Variants in EYA1 observed in about 807,000 individuals in gnomAD.
The protein encoded by EYA1 is protein phosphatase EYA1.
In EYA1, 16 loss-of-function variants were observed where a neutral mutation model predicts 82.0. The ratio of observed to expected loss-of-function variants is 0.20; its 90% CI spans 0.13 to 0.30. The LOEUF is 0.30. Among genes scored for constraint, EYA1 ranks in the 10% least tolerant of loss-of-function variants. EYA1 has a pLI of 1.00. For synonymous variants in EYA1, 261 were observed against 264.4 expected (o/e 0.99, Z 0.12); for missense variants, 633 against 730.7 (o/e 0.87, Z 1.54).
At chr8:71,457,931 T>C (rs1808077886) in intron 2 of EYA1, among the ~76,000 whole-genome samples, 1 of 152,192 alleles carries the variant, frequency 6.6e-6, no homozygotes, top group Non-Finnish European at 1.5e-5. Flanking sequence ...TGTTAAGTTA[T>C]GGACTTGAGT....
intron 9 of EYA1, among the ~76,000 whole-genome samples, chr8:71,274,628 G>C (rs764128545): frequency 6.6e-6 from 1 of 152,110 alleles, no homozygotes; most frequent in Non-Finnish European, 1.5e-5. Context: ...CTGCCTTCTC[G>C]GAGCTTACAA....
intron 4 of EYA1, among the ~76,000 whole-genome samples, chr8:71,324,534 C>G (rs887336724): frequency 2.0e-5 from 3 of 152,170 alleles, no homozygotes; most frequent in Non-Finnish European, 4.4e-5. Flanking sequence ...AACTTTTACC[C>G]CACACTTGTC....
chr8:71,430,234 T>G (rs1805517977), intron 2 of EYA1, among the ~76,000 whole-genome samples: 1 of 152,196 alleles, frequency 6.6e-6, no homozygotes, highest in South Asian at 2.1e-4. Context: ...GTGTAATATC[T>G]CATTTGATCT....
At chr8:71,279,218 TAACAGA>T (rs1817545130) in intron 9 of EYA1, among the ~76,000 whole-genome samples, 1 of 152,140 alleles carries the variant, frequency 6.6e-6, no homozygotes, top group Non-Finnish European at 1.5e-5. Context: ...CAGATAAAAA[TAACAGA>T]GCATATCACT....
intron 9 of EYA1, among the ~76,000 whole-genome samples, chr8:71,282,517 A>G (rs1279644692): frequency 1.3e-5 from 2 of 152,052 alleles, no homozygotes; most frequent in Non-Finnish European, 2.9e-5. Flanking sequence ...CAATTTCCAT[A>G]TTTCTCCGCC....
At chr8:71,341,733 T>A (rs1825147172) in intron 3 of EYA1, among the ~76,000 whole-genome samples, 1 of 152,142 alleles carries the variant, frequency 6.6e-6, no homozygotes, top group African/African-American at 2.4e-5. Context: ...ATCTTCTTTA[T>A]CTTAAAGGAG....
intron 1 of EYA1, among the ~76,000 whole-genome samples, chr8:71,543,690 TC>T (rs1046002667): frequency 1.3e-5 from 2 of 152,144 alleles, no homozygotes; most frequent in African/African-American, 4.8e-5. Context: ...TAGTTCAACA[TC>T]CAACAATATT....
chr8:71,503,423 A>T (rs1811960924), intron 2 of EYA1, among the ~76,000 whole-genome samples: 1 of 151,962 alleles, frequency 6.6e-6, no homozygotes, highest in African/African-American at 2.4e-5. Flanking sequence ...CAGTGAGCCG[A>T]GATCGTGCCA....
chr8:71,200,597 G>C (rs1305927843), intron 17 of EYA1, among the ~76,000 whole-genome samples: 1 of 152,132 alleles, frequency 6.6e-6, no homozygotes, highest in East Asian at 1.9e-4. Flanking sequence ...CCAGAAATTA[G>C]TACTAAATAT....
chr8:71,347,885 CAAAAAAAAAAA>C (rs5892271), intron 3 of EYA1, among the ~76,000 whole-genome samples: 5 of 80,842 alleles, frequency 6.2e-5, no homozygotes, highest in African/African-American at 8.9e-5. Context: ...TGGAGGCATG[CAAAAAAAAAAA>C]AAAAAAAAAA....
At chr8:71,362,155 C>CTTT (rs35320129), upstream of EYA1, 20,937 of 802,300 alleles carry the variant, frequency 0.026, 45 homozygotes, top group East Asian at 0.12. Context: ...TCGGGGCTTT[C>CTTT]TTTTTTTTTT....
At chr8:71,514,841 T>C (rs1005062470) in intron 2 of EYA1, among the ~76,000 whole-genome samples, 1 of 152,176 alleles carries the variant, frequency 6.6e-6, no homozygotes, top group African/African-American at 2.4e-5. Context: ...GAATTTGAGG[T>C]AGCTTTCCTT....
intron 2 of EYA1, among the ~76,000 whole-genome samples, chr8:71,465,918 G>T (rs1028923036): frequency 6.6e-6 from 1 of 151,968 alleles, no homozygotes; most frequent in African/African-American, 2.4e-5. Flanking sequence ...AGTTTCCAAG[G>T]TGATGGAAAG....
At chr8:71,280,816 A>C (rs1242498417) in intron 9 of EYA1, among the ~76,000 whole-genome samples, 1 of 151,984 alleles carries the variant, frequency 6.6e-6, no homozygotes, top group Non-Finnish European at 1.5e-5. Context: ...TGGCATAATC[A>C]CAGTTCACTG....
chr8:71,223,084 T>C (rs754213456), intron 12 of EYA1, among the ~76,000 whole-genome samples: 5 of 152,204 alleles, frequency 3.3e-5, no homozygotes, highest in Non-Finnish European at 7.3e-5. Flanking sequence ...GGAGAGCCAC[T>C]GTAGTAACCG....
chr8:71,354,762 G>C lies in EYA1; in HGVS notation c.124+20C>G, dbSNP rs1826682812. On this transcript the variant is annotated intron_variant, in intron 3 of 17. Transcript: ENST00000340726. Reference sequence around the variant, plus strand: ...GAAGAAACAAGGTGCAAAGTAAATAGTGAGAAGGCAGACACTCACCTTCGG... The same window carrying C: ...GAAGAAACAAGGTGCAAAGTAAATACTGAGAAGGCAGACACTCACCTTCGG... The C allele has an allele frequency of 2.0e-5, 32 of 1,610,504 alleles. No homozygotes were observed. The highest frequency in any genetic ancestry group is 2.6e-5 in the Non-Finnish European group (31 of 1,177,568).
intron 4 of EYA1, among the ~76,000 whole-genome samples, chr8:71,329,218 A>G (rs983097911): frequency 1.2e-4 from 18 of 152,200 alleles, no homozygotes; most frequent in Non-Finnish European, 2.9e-5. Flanking sequence ...CAAGAGATGA[A>G]GAACCCCTGA....
At chr8:71,452,495 G>A (rs554712481) in intron 2 of EYA1, among the ~76,000 whole-genome samples, 4 of 152,166 alleles carry the variant, frequency 2.6e-5, no homozygotes, top group Non-Finnish European at 5.9e-5. Context: ...TGACTCCCAA[G>A]TACCCTAACT....
chr8:71,539,566 G>A (rs972394980), intron 1 of EYA1, among the ~76,000 whole-genome samples: 3 of 152,164 alleles, frequency 2.0e-5, no homozygotes, highest in Non-Finnish European at 4.4e-5. Flanking sequence ...TTGATCTTTC[G>A]AACACCTTAG....
Sources: gnomAD v4.1 joint callset for allele counts (sites outside exome capture counted in the v4.1 genomes callset) on GRCh38, gnomAD v4.1.1 for gene constraint, MANE v1.5 for transcripts, NCBI Gene and HGNC (gene_info 2026-07-23, HGNC 2026-07-21) for gene names.